ANO4: variants seen among roughly 807,000 people sequenced by gnomAD.
ANO4 encodes anoctamin-4.
A neutral mutation model predicts 141.9 loss-of-function variants in ANO4; 69 were observed. That is an observed-to-expected ratio of 0.49 (90% CI 0.40 to 0.59). The LOEUF (loss-of-function observed/expected upper bound fraction) is 0.59, where lower values mean the gene tolerates loss of function less well. ANO4 is among the 20% of genes least tolerant of loss of function. ANO4 has a pLI of 0.00. For missense variants in ANO4, 894 were observed against 1,162.2 expected (o/e 0.77, Z 3.36); for synonymous variants, 350 against 394.3 (o/e 0.89, Z 1.33).
At position 101,054,735 on chromosome 12, in the gene ANO4, T is replaced by C. The variant is rs138710252; in HGVS notation, c.1312+6334T>C. ...CAGAATGGTCTGGATCTTCTGACCT[T>C]GTGATCCGCCCGCCTTGGCCTCCCA... is the stretch of plus-strand genomic sequence containing the variant. On this transcript the variant is annotated intron_variant, in intron 14 of 27. Transcript: ENST00000392977. Among the ~76,000 whole-genome samples, 1,205 of 152,314 alleles carry C rather than the reference T, an allele frequency of 7.9e-3. 10 individuals are homozygous for C. Among genetic ancestry groups the C allele is most frequent in the Non-Finnish European group, 0.014 (926 of 68,022 alleles).
In ANO4 at chr12:101,055,740, A is replaced by C. The variant is rs529163403; in HGVS notation, c.1312+7339A>C. On this transcript the variant is annotated intron_variant, in intron 14 of 27. Transcript: ENST00000392977. ...GTTTTATTTATGAAATCTTTGCCAA[A>C]CTCAAAGTTTCTAAGATTTTCGTCT... Among the ~76,000 whole-genome samples the C allele has an allele frequency of 2.6e-5, 4 of 152,070 alleles. No homozygotes were observed. In the East Asian group the frequency reaches 7.7e-4, roughly 29 times the overall value.
chr12:100,742,601 A>C (rs1223972439), intron 3 of ANO4, among the ~76,000 whole-genome samples: 1 of 152,180 alleles, frequency 6.6e-6, no homozygotes, highest in Non-Finnish European at 1.5e-5. Flanking sequence ...TTTTAGGCAC[A>C]ATATAACTAT....
chr12:100,851,431 C>A (rs1469933798), intron 1 of ANO4, among the ~76,000 whole-genome samples: 3 of 152,190 alleles, frequency 2.0e-5, no homozygotes, highest in Middle Eastern at 3.4e-3. Flanking sequence ...TCTATATAAA[C>A]TATATTTCAA....
At chr12:101,089,127 C>T (rs12818426) in intron 17 of ANO4, among the ~76,000 whole-genome samples, 6,197 of 152,148 alleles carry the variant, frequency 0.041, 163 homozygotes, top group Non-Finnish European at 0.063. Context: ...ACAGGTTTAT[C>T]TATGTAGCTT....
intron 8 of ANO4, among the ~76,000 whole-genome samples, chr12:101,002,368 T>C (rs1450216961): frequency 1.3e-5 from 2 of 152,238 alleles, no homozygotes; most frequent in Non-Finnish European, 2.9e-5. Context: ...TAATGCACAG[T>C]AGTGCCACGT....
intron 1 of ANO4, among the ~76,000 whole-genome samples, chr12:100,800,877 G>T (rs1488388713): frequency 6.6e-6 from 1 of 152,198 alleles, no homozygotes; most frequent in Non-Finnish European, 1.5e-5. Context: ...GCAATACTCA[G>T]AAATTTACAG....
At chr12:100,915,771 T>C (rs1227176949) in intron 2 of ANO4, among the ~76,000 whole-genome samples, 5 of 152,178 alleles carry the variant, frequency 3.3e-5, no homozygotes, top group South Asian at 4.1e-4. Flanking sequence ...AAAATTTTAG[T>C]TTCCCATTTT....
intron 3 of ANO4, among the ~76,000 whole-genome samples, chr12:100,765,732 TTAAATTTAA>T (rs1325925046): frequency 5.3e-5 from 8 of 151,444 alleles, no homozygotes; most frequent in Non-Finnish European, 8.8e-5. Context: ...TTTTCTATTT[TTAAATTTAA>T]TTAATTAGAT....
intron 3 of ANO4, among the ~76,000 whole-genome samples, chr12:100,938,080 A>C (rs1193930626): frequency 6.6e-6 from 1 of 152,240 alleles, no homozygotes; most frequent in East Asian, 1.9e-4. Flanking sequence ...TTAGCAATAA[A>C]TGTTAACTTT....
At chr12:100,809,396 A>AG in intron 1 of ANO4, among the ~76,000 whole-genome samples, 1 of 152,026 alleles carries the variant, frequency 6.6e-6, no homozygotes, top group Non-Finnish European at 1.5e-5. Flanking sequence ...CAAAAAAAAA[A>AG]AAAAGGGTAA....
intron 1 of ANO4, among the ~76,000 whole-genome samples, chr12:100,853,770 G>T (rs958089675): frequency 6.6e-6 from 1 of 152,086 alleles, no homozygotes; most frequent in African/African-American, 2.4e-5. Flanking sequence ...AAGGCTAAAG[G>T]TAGTATCTCT....
chr12:100,723,805 C>T (rs144043286), intron 1 of ANO4, among the ~76,000 whole-genome samples: 1 of 152,266 alleles, frequency 6.6e-6, no homozygotes, highest in South Asian at 2.1e-4. Flanking sequence ...TACTATCACA[C>T]TGGGGGTTAG....
intron 8 of ANO4, among the ~76,000 whole-genome samples, chr12:100,987,909 G>A (rs964153183): frequency 6.6e-6 from 1 of 152,110 alleles, no homozygotes; most frequent in East Asian, 1.9e-4. Context: ...TGTGTGTGTT[G>A]GGTAAATGAT....
chr12:100,953,283 G>A (rs1035617328), intron 5 of ANO4, among the ~76,000 whole-genome samples: 2 of 152,180 alleles, frequency 1.3e-5, no homozygotes, highest in Non-Finnish European at 2.9e-5. Flanking sequence ...TTCATTAATG[G>A]CATGGAGAGA....
chr12:100,732,080 A>G (rs1277769739), intron 1 of ANO4, among the ~76,000 whole-genome samples: 1 of 152,230 alleles, frequency 6.6e-6, no homozygotes, highest in Admixed American at 6.5e-5. Context: ...GTAAGTTTTC[A>G]GCTTCTTTCA....
At chr12:100,778,827 C>T (rs925227786) in intron 3 of ANO4, among the ~76,000 whole-genome samples, 22 of 152,168 alleles carry the variant, frequency 1.4e-4, no homozygotes, top group African/African-American at 4.1e-4. Flanking sequence ...ACACCCGCCA[C>T]GTAGATTCTA....
intron 2 of ANO4, among the ~76,000 whole-genome samples, chr12:100,915,103 G>A (rs1230220222): frequency 6.6e-6 from 1 of 152,056 alleles, no homozygotes; most frequent in Admixed American, 6.6e-5. Flanking sequence ...TTACAGGTGT[G>A]AGCCACCACA....
chr12:100,805,803 C>G (rs1378266756), intron 1 of ANO4, among the ~76,000 whole-genome samples: 1 of 151,904 alleles, frequency 6.6e-6, no homozygotes, highest in Non-Finnish European at 1.5e-5. Context: ...TATTCAGTCT[C>G]TTAGATAGTT....
At chr12:100,830,614 T>A (rs1390117467) in intron 1 of ANO4, among the ~76,000 whole-genome samples, 1 of 152,034 alleles carries the variant, frequency 6.6e-6, no homozygotes, top group Non-Finnish European at 1.5e-5. Context: ...GGACTGCTTC[T>A]TGGGTAATAA....
Sources: gnomAD v4.1 joint callset for allele counts (sites outside exome capture counted in the v4.1 genomes callset) on GRCh38, gnomAD v4.1.1 for gene constraint, MANE v1.5 for transcripts, NCBI Gene and HGNC (gene_info 2026-07-23, HGNC 2026-07-21) for gene names.